CDH17: variants seen among roughly 807,000 people sequenced by gnomAD.
CDH17 encodes cadherin 17.
Under a neutral mutation model 86.3 loss-of-function variants are expected in CDH17, and 67 were observed. The ratio of observed to expected loss-of-function variants is 0.78; its 90% CI spans 0.64 to 0.95. The LOEUF (loss-of-function observed/expected upper bound fraction) is 0.95. Ranked by LOEUF, CDH17 falls within the 40% of genes least tolerant of loss-of-function variation. The probability of loss-of-function intolerance (pLI) is 0.00; values close to 1 mark genes in which losing one functional copy is unlikely to be tolerated. For synonymous variants in CDH17, 367 were observed against 366.4 expected (o/e 1.00, Z -0.02); for missense variants, 993 against 1,017.6 (o/e 0.98, Z 0.33).
intron 3 of CDH17, 44 bp downstream of exon 3, chr8:94,189,143 G>C: frequency 7.6e-7 from 1 of 1,319,586 alleles, no homozygotes. Context: ...TCCACCAAGA[G>C]AGCATACAAA....
intron 15 of CDH17, among the ~76,000 whole-genome samples, chr8:94,141,640 AT>A (rs1812639981): frequency 6.6e-6 from 1 of 152,198 alleles, no homozygotes; most frequent in Non-Finnish European, 1.5e-5. Context: ...AAATTGAAAT[AT>A]TTAAAATATC....
chr8:94,176,971 A>G (rs1198951852), intron 4 of CDH17, among the ~76,000 whole-genome samples: 2 of 152,174 alleles, frequency 1.3e-5, no homozygotes, highest in African/African-American at 4.8e-5. Context: ...TGAGAATATG[A>G]AAGTGTTGTG....
intron 12 of CDH17, among the ~76,000 whole-genome samples, chr8:94,159,636 GACAA>G (rs982951732): frequency 2.6e-5 from 4 of 152,128 alleles, no homozygotes; most frequent in Admixed American, 6.5e-5. Flanking sequence ...TCAGATAAAT[GACAA>G]ACAAGTTTTT....
intron 11 of CDH17, 121 bp downstream of exon 11, chr8:94,161,965 G>T: frequency 1.5e-6 from 1 of 646,520 alleles, no homozygotes; most frequent in Non-Finnish European, 2.8e-6. Context: ...TTTGTGCACT[G>T]ACCAAGGTTA....
At chr8:94,175,883 C>G (rs140555874) in intron 5 of CDH17, among the ~76,000 whole-genome samples, 57 of 152,184 alleles carry the variant, frequency 3.7e-4, no homozygotes, top group African/African-American at 1.3e-3. Context: ...CCTAGAAAAG[C>G]GTTTTTCAAC....
chr8:94,165,821 G>T lies in CDH17; in HGVS notation c.1222C>A (p.Gln408Lys). Residue 408 changes from glutamine to lysine, a missense_variant, in exon 10 of 18, where the codon CAG (glutamine) becomes AAG (lysine). Physicochemically the swap from Gln to Lys is moderately conservative, Grantham distance 53 (BLOSUM62 1). Coordinates refer to ENST00000027335, the MANE Select transcript of CDH17 (RefSeq NM_004063.4). ...GGAGTATCTTGCTTCTTCAAGGACT[G>T]TTTAGCTAACTGTAACATTCCAGCA... ...TYAGMLQLAK[Q>K]SLKKQDTPQY... is the part of the protein sequence containing the mutation. The T allele has an allele frequency of 1.2e-6, 2 of 1,614,016 alleles. No homozygotes were observed. The highest frequency in any genetic ancestry group is 1.7e-6 in the Non-Finnish European group (2 of 1,179,900).
At chr8:94,211,852 A>G (rs374247642), upstream of CDH17, among the ~76,000 whole-genome samples, 89 of 152,318 alleles carry the variant, frequency 5.8e-4, 3 homozygotes, top group South Asian at 0.017. Flanking sequence ...ATTAGTACTC[A>G]ATAAGTACTT....
chr8:94,145,023 C>G (rs1563567774), intron 15 of CDH17, among the ~76,000 whole-genome samples: 1 of 152,182 alleles, frequency 6.6e-6, no homozygotes, highest in Non-Finnish European at 1.5e-5. Context: ...TGGGAGAATG[C>G]TGAGCAACTG....
At chr8:94,130,597 G>C in intron 17 of CDH17, 29 bp downstream of exon 17, 1 of 1,455,938 alleles carries the variant, frequency 6.9e-7, no homozygotes, top group East Asian at 2.3e-5. Context: ...CCCAGGATAA[G>C]ACTCTTTGAA....
chr8:94,141,770 GAAGACTTAA>G (rs1812642980), intron 15 of CDH17, among the ~76,000 whole-genome samples: 3 of 152,104 alleles, frequency 2.0e-5, no homozygotes, highest in Non-Finnish European at 4.4e-5. Context: ...TCATGAATTG[GAAGACTTAA>G]TATATCAATT....
In CDH17 at chr8:94,189,187, C is replaced by G; in HGVS notation, c.150G>C (p.Gln50His). Residue 50 changes from glutamine (Q) to histidine (H), a missense_variant and splice_region_variant, in exon 3 of 18, where the codon CAG becomes CAC. By Grantham distance (24) the Gln-to-His change is conservative (BLOSUM62 0). Coordinates refer to ENST00000027335, the MANE Select transcript of CDH17 (RefSeq NM_004063.4). ...GACAGTGATCAAGGGTAGCTTTTAC[C>G]TGGAATATAATTTGACTCGGTTCTT... is the stretch of plus-strand genomic sequence containing the variant. ...EGQEPSQIIF[Q>H]FKANPPAVTF... 1 of 1,608,240 alleles carries G rather than the reference C, an allele frequency of 6.2e-7. No homozygotes were observed. Among genetic ancestry groups the G allele is most frequent in the Non-Finnish European group, 8.5e-7 (1 of 1,176,590 alleles).
At chr8:94,185,158 G>A (rs928910697) in intron 3 of CDH17, among the ~76,000 whole-genome samples, 1 of 151,956 alleles carries the variant, frequency 6.6e-6, no homozygotes, top group Admixed American at 6.6e-5. Context: ...TAAAACAAGC[G>A]GTTGTACCAA....
chr8:94,195,637 CTA>C (rs1813769064), intron 1 of CDH17, among the ~76,000 whole-genome samples: 1 of 152,174 alleles, frequency 6.6e-6, no homozygotes, highest in African/African-American at 2.4e-5. Context: ...GTGACTTTCA[CTA>C]TGAGACATGT....
At chr8:94,157,019 C>T (rs1018991414) in intron 12 of CDH17, among the ~76,000 whole-genome samples, 4 of 152,100 alleles carry the variant, frequency 2.6e-5, no homozygotes, top group Non-Finnish European at 4.4e-5. Flanking sequence ...GTCAAGTTCC[C>T]GGCTCTGCCA....
At chr8:94,185,787 A>G (rs564722223) in intron 3 of CDH17, among the ~76,000 whole-genome samples, 14 of 152,330 alleles carry the variant, frequency 9.2e-5, no homozygotes, top group Non-Finnish European at 1.8e-4. Flanking sequence ...TATAAAATCT[A>G]GTAGAGTAGT....
intron 1 of CDH17, chr8:94,202,015 C>T (rs1445286613): frequency 1.9e-5 from 4 of 212,886 alleles, no homozygotes; most frequent in South Asian, 8.3e-5. Flanking sequence ...GTAAAATTTG[C>T]CAGTCCATGG....
intron 1 of CDH17, among the ~76,000 whole-genome samples, chr8:94,199,511 G>C (rs1304555966): frequency 6.6e-6 from 1 of 151,118 alleles, no homozygotes; most frequent in Non-Finnish European, 1.5e-5. Flanking sequence ...CAAGTTAAAT[G>C]ATAGAAAAGC....
At chr8:94,136,712 A>G (rs906356755) in intron 15 of CDH17, among the ~76,000 whole-genome samples, 1 of 152,168 alleles carries the variant, frequency 6.6e-6, no homozygotes, top group African/African-American at 2.4e-5. Flanking sequence ...CCTTTGGAGG[A>G]GAAGAGGCAT....
intron 15 of CDH17, among the ~76,000 whole-genome samples, chr8:94,135,352 G>T (rs1812502230): frequency 6.6e-6 from 1 of 152,320 alleles, no homozygotes; most frequent in East Asian, 1.9e-4. Context: ...TGTATTAGGT[G>T]CATATATATT....
Sources: allele counts gnomAD v4.1 joint callset (sites outside exome capture counted in the v4.1 genomes callset), GRCh38; gene constraint gnomAD v4.1.1; transcripts MANE v1.5; gene names NCBI Gene and HGNC (gene_info 2026-07-23, HGNC 2026-07-21).